RORA: variants seen among roughly 807,000 people sequenced by gnomAD.
RORA encodes the protein nuclear receptor ROR-alpha.
RORA carries 7 observed loss-of-function variants against 69.5 expected under a neutral mutation model. That is an observed-to-expected ratio of 0.10 (90% CI 0.06 to 0.19). RORA has a LOEUF of 0.19. RORA is among the 10% of genes least tolerant of loss of function. The probability of loss-of-function intolerance (pLI) is 1.00; values close to 1 mark genes in which losing one functional copy is unlikely to be tolerated. For synonymous variants in RORA, 261 were observed against 240.8 expected (o/e 1.08, Z -0.78); for missense variants, 457 against 663.0 (o/e 0.69, Z 3.41).
intron 1 of RORA, among the ~76,000 whole-genome samples, chr15:60,915,949 A>G (rs1194789024): frequency 6.6e-6 from 1 of 151,114 alleles, no homozygotes; most frequent in Non-Finnish European, 1.5e-5. Flanking sequence ...AAGGGCTCCT[A>G]CAGGAAGGCT....
At chr15:60,526,301 T>G (rs1424315281) in intron 3 of RORA, among the ~76,000 whole-genome samples, 1 of 152,222 alleles carries the variant, frequency 6.6e-6, no homozygotes, top group Non-Finnish European at 1.5e-5. Flanking sequence ...GACTGTGCTT[T>G]GCCATACTCA....
At chr15:60,706,544 A>ACTTGTAGTGTAGACTTGGGG (rs1472338665) in intron 1 of RORA, among the ~76,000 whole-genome samples, 5 of 152,202 alleles carry the variant, frequency 3.3e-5, no homozygotes, top group East Asian at 3.8e-4. Context: ...CTACAAGTCT[A>ACTTGTAGTGTAGACTTGGGG]CATCTTTTGT....
rs575063189 is a variant in RORA, at chr15:61,004,072, T to G, written c.166+224981A>C. 3.3e-5 allele frequency among the ~76,000 whole-genome samples: 5 copies of G among 152,290 alleles called. No individual in the cohort carries two copies. In the South Asian group the frequency reaches 1.0e-3, roughly 32 times the overall value. On this transcript the variant is annotated intron_variant, in intron 1 of 10. Coordinates refer to ENST00000335670, the MANE Select transcript of RORA (RefSeq NM_134261.3). ...CTAAAGACACGCCACAGGGAGCTTC[T>G]GTCACACGGTTCAGATCCCAGAGTG...
intron 1 of RORA, among the ~76,000 whole-genome samples, chr15:61,017,331 T>C (rs989892632): frequency 6.6e-6 from 1 of 152,236 alleles, no homozygotes. Context: ...ACATACAGCA[T>C]GGCTAACTTT....
At chr15:61,224,173 T>C (rs2080124927) in intron 1 of RORA, among the ~76,000 whole-genome samples, 1 of 152,214 alleles carries the variant, frequency 6.6e-6, no homozygotes, top group African/African-American at 2.4e-5. Flanking sequence ...ACTCTCCTTG[T>C]TTCTGCACAC....
intron 1 of RORA, among the ~76,000 whole-genome samples, chr15:60,811,971 A>C (rs558541307): frequency 1.3e-5 from 2 of 152,304 alleles, no homozygotes; most frequent in African/African-American, 4.8e-5. Flanking sequence ...AAGTTTTCTA[A>C]TTATTAAAAA....
intron 1 of RORA, among the ~76,000 whole-genome samples, chr15:61,019,446 A>T (rs1019426090): frequency 9.9e-5 from 15 of 152,096 alleles, no homozygotes; most frequent in African/African-American, 3.6e-4. Context: ...ACCAAACATT[A>T]TTTCCTGCTA....
chr15:61,215,949 G>A (rs1401687076), intron 1 of RORA, among the ~76,000 whole-genome samples: 4 of 151,980 alleles, frequency 2.6e-5, no homozygotes, highest in Non-Finnish European at 5.9e-5. Flanking sequence ...TATTAGAATC[G>A]GCTTCCAACA....
At chr15:60,565,248 G>T (rs1032517643) in intron 2 of RORA, among the ~76,000 whole-genome samples, 6 of 151,982 alleles carry the variant, frequency 3.9e-5, no homozygotes, top group African/African-American at 1.5e-4. Flanking sequence ...TACATTTTTT[G>T]GTTTTAATTT....
chr15:60,741,270 G>C (rs1274840175), intron 1 of RORA, among the ~76,000 whole-genome samples: 6 of 152,178 alleles, frequency 3.9e-5, no homozygotes, highest in Non-Finnish European at 8.8e-5. Flanking sequence ...AGTGGCTCTT[G>C]CTTAATATGA....
At chr15:60,565,391 T>C (rs2067686828) in intron 2 of RORA, among the ~76,000 whole-genome samples, 1 of 152,232 alleles carries the variant, frequency 6.6e-6, no homozygotes, top group Non-Finnish European at 1.5e-5. Flanking sequence ...TGTAATCTGT[T>C]TTCATGTATT....
intron 1 of RORA, among the ~76,000 whole-genome samples, chr15:60,982,893 C>T (rs1894088534): frequency 6.6e-6 from 1 of 152,232 alleles, no homozygotes; most frequent in East Asian, 1.9e-4. Context: ...CCTTATTCCA[C>T]CATTTTCTCT....
intron 2 of RORA, among the ~76,000 whole-genome samples, chr15:60,561,203 T>C (rs2067547788): frequency 6.6e-6 from 1 of 151,544 alleles, no homozygotes; most frequent in Non-Finnish European, 1.5e-5. Flanking sequence ...TGCCTCAGCC[T>C]CCCGAGTAGC....
At chr15:61,170,778 A>AAT (rs2079578326) in intron 1 of RORA, among the ~76,000 whole-genome samples, 1 of 152,240 alleles carries the variant, frequency 6.6e-6, no homozygotes, top group Admixed American at 6.5e-5. Context: ...ATGCTTAGTT[A>AAT]GGTAAAGCAG....
At chr15:60,825,753 T>G (rs2072947533) in intron 1 of RORA, among the ~76,000 whole-genome samples, 1 of 152,184 alleles carries the variant, frequency 6.6e-6, no homozygotes, top group Non-Finnish European at 1.5e-5. Flanking sequence ...GTTAGCTAAT[T>G]TCTAACATCT....
intron 2 of RORA, among the ~76,000 whole-genome samples, chr15:60,590,175 ATC>A (rs56192812): frequency 0.023 from 3,342 of 146,526 alleles, 48 homozygotes; most frequent in African/African-American, 0.036. Context: ...CTCTTCCTCT[ATC>A]TCTCTCTCTC....
chr15:61,176,877 A>G (rs1360789216), intron 1 of RORA, among the ~76,000 whole-genome samples: 1 of 152,208 alleles, frequency 6.6e-6, no homozygotes, highest in African/African-American at 2.4e-5. Context: ...CGCAGGTTTT[A>G]ACATAAATGT....
intron 1 of RORA, among the ~76,000 whole-genome samples, chr15:61,085,035 C>T (rs2078602341): frequency 6.6e-6 from 1 of 152,026 alleles, no homozygotes; most frequent in South Asian, 2.1e-4. Context: ...CACCCCTCCT[C>T]ACTCCCTCCC....
At chr15:60,884,475 G>T (rs980874947) in intron 1 of RORA, among the ~76,000 whole-genome samples, 1 of 152,114 alleles carries the variant, frequency 6.6e-6, no homozygotes, top group African/African-American at 2.4e-5. Context: ...ACTACTTGTG[G>T]TTATCTGGGT....
Sources: allele counts gnomAD v4.1 joint callset (sites outside exome capture counted in the v4.1 genomes callset), GRCh38; gene constraint gnomAD v4.1.1; transcripts MANE v1.5; gene names NCBI Gene and HGNC (gene_info 2026-07-23, HGNC 2026-07-21).